OTUD7A: variants seen among roughly 807,000 people sequenced by gnomAD.
OTUD7A encodes the protein OTU domain-containing protein 7A.
In OTUD7A, 12 loss-of-function variants were observed where a neutral mutation model predicts 65.7. The ratio of observed to expected loss-of-function variants is 0.18; its 90% CI spans 0.12 to 0.30. The LOEUF (loss-of-function observed/expected upper bound fraction) is 0.30, where lower values mean the gene tolerates loss of function less well. Ranked by LOEUF, OTUD7A falls within the 10% of genes least tolerant of loss-of-function variation. The pLI, the probability that OTUD7A is intolerant of heterozygous loss-of-function variation, is 1.00. For missense variants in OTUD7A, 1,148 were observed against 1,304.8 expected (o/e 0.88, Z 1.85); for synonymous variants, 641 against 586.3 (o/e 1.09, Z -1.35).
chr15:31,766,380 G>A, intron 1 of OTUD7A: 1 of 1,585,744 alleles, frequency 6.3e-7, no homozygotes, highest in Non-Finnish European at 8.7e-7. Context: ...TAACTGTAGA[G>A]CATCGATGGC....
intron 1 of OTUD7A, among the ~76,000 whole-genome samples, chr15:31,844,428 C>T (rs1423562553): frequency 1.3e-5 from 2 of 152,224 alleles, no homozygotes; most frequent in African/African-American, 2.4e-5. Flanking sequence ...ACCCAGGAGG[C>T]GGAGGTTGCA....
intron 3 of OTUD7A, among the ~76,000 whole-genome samples, chr15:31,607,103 T>C (rs1189330358): frequency 6.6e-6 from 1 of 152,250 alleles, no homozygotes; most frequent in Non-Finnish European, 1.5e-5. Flanking sequence ...TGAGGAATGT[T>C]AAGCTGAGAA....
At position 31,766,034 on chromosome 15, in the gene OTUD7A, C is replaced by T. The variant is rs1411810273; in HGVS notation, c.-100+104473G>A. ...TCTGCTTACCGTATGAGTAAGTTGG[C>T]AAAGGAGCAAATAGTCCATCTCCAG... On this transcript the variant is annotated intron_variant, in intron 1 of 12. Coordinates refer to ENST00000307050, the MANE Select transcript of OTUD7A (RefSeq NM_001382637.1). The T allele has an allele frequency of 2.6e-6, 4 of 1,558,394 alleles. No individual in the cohort carries two copies. In the East Asian group the frequency reaches 6.7e-5, roughly 26 times the overall value.
At chr15:31,558,858 A>G (rs1161587230) in intron 5 of OTUD7A, 111 bp downstream of exon 5, 7 of 1,218,440 alleles carry the variant, frequency 5.7e-6, no homozygotes, top group Non-Finnish European at 8.1e-6. Context: ...CTAACTGAAA[A>G]CTGCCCAGAG....
At chr15:31,764,420 T>C (rs1252973909) in intron 1 of OTUD7A, among the ~76,000 whole-genome samples, 2 of 152,134 alleles carry the variant, frequency 1.3e-5, no homozygotes, top group South Asian at 2.1e-4. Context: ...ATTAAGATTT[T>C]ATTACAACCC....
At chr15:31,568,762 C>CAGAA (rs1888956591) in intron 4 of OTUD7A, among the ~76,000 whole-genome samples, 1 of 152,250 alleles carries the variant, frequency 6.6e-6, no homozygotes, top group Non-Finnish European at 1.5e-5. Flanking sequence ...AGTGAGCTCT[C>CAGAA]ATTCTGAGTT....
intron 1 of OTUD7A, among the ~76,000 whole-genome samples, chr15:31,674,867 G>A (rs7177933): frequency 0.057 from 8,644 of 152,196 alleles, 832 homozygotes; most frequent in African/African-American, 0.2. Flanking sequence ...TAATGCAAGA[G>A]GACAAAACCC....
intron 1 of OTUD7A, among the ~76,000 whole-genome samples, chr15:31,851,853 T>C (rs932182633): frequency 1.3e-5 from 2 of 151,882 alleles, no homozygotes; most frequent in Non-Finnish European, 2.9e-5. Flanking sequence ...GTTTTGTTTG[T>C]TTTGTTTTGT....
Position 31,559,044 on chromosome 15 carries a change from A to G in OTUD7A, c.475T>C (p.Tyr159His), listed in dbSNP as rs1438898085. The G allele has an allele frequency of 6.2e-7, 1 of 1,614,210 alleles. No individual in the cohort carries two copies. The highest frequency in any genetic ancestry group is 8.5e-7 in the Non-Finnish European group (1 of 1,180,038). Reference protein sequence around the residue: ...YTFQLPDLSVYSEDFRSFIER... With the variant: ...YTFQLPDLSVHSEDFRSFIER... ...ATGAAGCTCCTGAAATCCTCGCTGT[A>G]CACGCTCAGGTCTGGCAACTGGAAT... The change falls in exon 5 of 13, where the codon TAC (tyrosine) becomes CAC (histidine). Residue 159 changes from tyrosine to histidine, a missense_variant. Transcript: ENST00000307050.
intron 1 of OTUD7A, among the ~76,000 whole-genome samples, chr15:31,738,230 A>G (rs1239168005): frequency 1.3e-5 from 2 of 151,928 alleles, no homozygotes; most frequent in Non-Finnish European, 1.5e-5. Context: ...GGGAGGAGGG[A>G]GAATGGCAGG....
intron 8 of OTUD7A, among the ~76,000 whole-genome samples, chr15:31,518,307 A>T (rs562495396): frequency 6.6e-6 from 1 of 152,168 alleles, no homozygotes; most frequent in East Asian, 1.9e-4. Flanking sequence ...CCCTGTCTCT[A>T]CTAAAAATAC....
intron 3 of OTUD7A, among the ~76,000 whole-genome samples, chr15:31,641,442 T>A (rs1891514204): frequency 6.6e-6 from 1 of 152,234 alleles, no homozygotes; most frequent in African/African-American, 2.4e-5. Context: ...GATTTATGTA[T>A]GAATTTTAAA....
intron 1 of OTUD7A, among the ~76,000 whole-genome samples, chr15:31,759,077 C>G (rs1182088023): frequency 1.3e-5 from 2 of 152,158 alleles, no homozygotes; most frequent in African/African-American, 4.8e-5. Flanking sequence ...ATTGCTATAA[C>G]CCTCCACCCA....
At chr15:31,653,255 C>CA (rs113670546) in intron 3 of OTUD7A, among the ~76,000 whole-genome samples, 2,305 of 122,748 alleles carry the variant, frequency 0.019, 71 homozygotes, top group African/African-American at 0.062. Context: ...TCTGTGTCAC[C>CA]AAAAAAAAAA....
intron 1 of OTUD7A, among the ~76,000 whole-genome samples, chr15:31,743,782 A>G (rs952987313): frequency 2.5e-4 from 38 of 151,996 alleles, no homozygotes; most frequent in African/African-American, 9.2e-4. Flanking sequence ...AAAATTAAAC[A>G]ATCTAAAATT....
intron 1 of OTUD7A, among the ~76,000 whole-genome samples, chr15:31,809,784 G>A (rs957242179): frequency 6.6e-6 from 1 of 152,198 alleles, no homozygotes; most frequent in Non-Finnish European, 1.5e-5. Context: ...TCAGTTTTCT[G>A]TTACTCAAAC....
intron 1 of OTUD7A, among the ~76,000 whole-genome samples, chr15:31,698,457 A>T (rs2654086): frequency 1.3e-5 from 2 of 151,810 alleles, no homozygotes; most frequent in Non-Finnish European, 2.9e-5. Flanking sequence ...CTGGCCCACA[A>T]CATCAGCATT....
intron 3 of OTUD7A, among the ~76,000 whole-genome samples, chr15:31,582,621 T>C: frequency 6.6e-6 from 1 of 151,778 alleles, no homozygotes; most frequent in East Asian, 1.9e-4. Flanking sequence ...CTCTCATTTA[T>C]ATAACCATCA....
intron 3 of OTUD7A, among the ~76,000 whole-genome samples, chr15:31,638,650 C>G (rs922957166): frequency 5.3e-5 from 8 of 151,866 alleles, no homozygotes; most frequent in African/African-American, 1.9e-4. Context: ...TCCTCCTTGG[C>G]TCTCAAAGTG....
Sources: gnomAD v4.1 joint callset for allele counts (sites outside exome capture counted in the v4.1 genomes callset) on GRCh38, gnomAD v4.1.1 for gene constraint, MANE v1.5 for transcripts, NCBI Gene and HGNC (gene_info 2026-07-23, HGNC 2026-07-21) for gene names.